FANCA: variants seen among roughly 807,000 people sequenced by gnomAD.
FANCA encodes FA complementation group A.
In FANCA, 236 loss-of-function variants were observed where a neutral mutation model predicts 194.3. The ratio of observed to expected loss-of-function variants is 1.21; its 90% confidence interval spans 1.09 to 1.35. The LOEUF (loss-of-function observed/expected upper bound fraction) is 1.35, where lower values mean the gene tolerates loss of function less well. FANCA is among the 40% of genes most tolerant of loss of function. The pLI is 0.00. For synonymous variants in FANCA, 1,014 were observed against 715.8 expected (o/e 1.42, Z -6.65); for missense variants, 2,628 against 1,813.9 (o/e 1.45, Z -8.15).
chr16:89,740,549 T>A, intron 38 of FANCA: 1 of 531,564 alleles, frequency 1.9e-6, no homozygotes, highest in Non-Finnish European at 3.4e-6. Flanking sequence ...TGCAGGAGAA[T>A]TGCTTGAACC....
intron 20 of FANCA, among the ~76,000 whole-genome samples, chr16:89,776,220 T>C (rs1206991811): frequency 2.9e-5 from 4 of 140,190 alleles, no homozygotes; most frequent in Non-Finnish European, 6.0e-5. Flanking sequence ...CACACTGGAG[T>C]GCAGTGGTGC....
At chr16:89,781,127 G>C (rs1410816609) in intron 17 of FANCA, among the ~76,000 whole-genome samples, 1 of 152,088 alleles carries the variant, frequency 6.6e-6, no homozygotes, top group East Asian at 1.9e-4. Flanking sequence ...CACTTTGAGA[G>C]ACCGAGGCAG....
In FANCA at chr16:89,749,767, T is replaced by A; in HGVS notation, c.3202A>T (p.Ser1068Cys). 6.2e-7 allele frequency: 1 copy of A among 1,614,212 alleles called. No individual in the cohort carries two copies. The highest frequency in any genetic ancestry group is 1.1e-5 in the South Asian group (1 of 91,086). The change falls in exon 32 of 43, where the codon AGC (serine) becomes TGC (cysteine). Residue 1068 changes from serine (S) to cysteine (C), a missense_variant. Coordinates refer to ENST00000389301, the MANE Select transcript of FANCA (RefSeq NM_000135.4). ...AGCAGCTCCCTCTGTCTCTGAAGGC[T>A]GGCAGCCACGCTCCACCCGCTTGTC... ...ALTSGWSVAA[S>C]LQRQRELLMY...
intron 14 of FANCA, among the ~76,000 whole-genome samples, chr16:89,785,553 C>T (rs2039867885): frequency 6.6e-6 from 1 of 152,196 alleles, no homozygotes; most frequent in Non-Finnish European, 1.5e-5. Flanking sequence ...TGAGCAAACC[C>T]TCCCAGGAAC....
chr16:89,780,024 G>A (rs1015719025), intron 17 of FANCA, 67 bp from the exon 18 acceptor site: 8 of 1,377,566 alleles, frequency 5.8e-6, no homozygotes, highest in Admixed American at 5.1e-5. Context: ...GAGCAGTGAA[G>A]GCCACACTCA....
In FANCA at chr16:89,799,248, G is replaced by C. The variant is rs758496205; in HGVS notation, c.827-16C>G. The C allele has an allele frequency of 9.3e-6, 15 of 1,613,638 alleles. No homozygotes were observed. Among genetic ancestry groups the C allele is most frequent in the Non-Finnish European group, 1.2e-5 (14 of 1,179,996 alleles). On this transcript the variant is annotated splice_polypyrimidine_tract_variant and intron_variant, in intron 9 of 42. Coordinates refer to ENST00000389301, the MANE Select transcript of FANCA (RefSeq NM_000135.4). Reference sequence around the variant, plus strand: ...TCAAGTGCAACTGAAGACAGAGCCAGGAACAGAAAACAGATGTCAGCACAC... The same window carrying C: ...TCAAGTGCAACTGAAGACAGAGCCACGAACAGAAAACAGATGTCAGCACAC...
rs974454406 is a variant in FANCA, at chr16:89,738,439, G to C, written c.*162C>G. 2.2e-6 allele frequency: 3 copies of C among 1,382,890 alleles called. No homozygotes were observed. Among genetic ancestry groups the C allele is most frequent in the Non-Finnish European group, 3.0e-6 (3 of 1,011,344 alleles). The allele number at this position is 1,382,890 out of a possible 1,614,324, so 85.7% of individuals were successfully genotyped here. ...AGTGGTTTATTTTCCCGCAAACGCT[G>C]AGTGACTCGGGGCCGGACAGTTCAT... On this transcript the variant is annotated 3_prime_UTR_variant, in exon 43 of 43. Transcript: ENST00000389301.
At position 89,810,793 on chromosome 16, in the gene FANCA, A is replaced by G. The variant is rs764230743; in HGVS notation, c.436T>C (p.Ser146Pro). 1 of 1,613,090 alleles carries G rather than the reference A, an allele frequency of 6.2e-7. No individual in the cohort carries two copies. Among genetic ancestry groups the G allele is most frequent in the South Asian group, 1.1e-5 (1 of 91,066 alleles). The change falls in exon 5 of 43, where the codon TCT becomes CCT. Residue 146 changes from serine (S) to proline (P), a missense_variant. Physicochemically the swap from Ser to Pro is moderately conservative, Grantham distance 74. Transcript: ENST00000389301. Reference sequence around the variant, plus strand: ...TACTGAGCAAACTCTAACAGGGAAGACAGCTTCTTCTGAAAAGAGAGATTA... The same window carrying G: ...TACTGAGCAAACTCTAACAGGGAAGGCAGCTTCTTCTGAAAAGAGAGATTA... ...LLTVEQRKKL[S>P]SLLEFAQYLL...
chr16:89,801,560 G>A (rs770928560), intron 8 of FANCA, among the ~76,000 whole-genome samples: 2 of 152,144 alleles, frequency 1.3e-5, no homozygotes, highest in Admixed American at 6.6e-5. Context: ...TTTCTAAATA[G>A]TTGGGTAGTT....
At chr16:89,777,712 G>T (rs11076623) in intron 20 of FANCA, among the ~76,000 whole-genome samples, 9,100 of 152,052 alleles carry the variant, frequency 0.06, 423 homozygotes, top group East Asian at 0.22. Flanking sequence ...CTAGAAACCT[G>T]CAATGTAAGT....
intron 17 of FANCA, among the ~76,000 whole-genome samples, chr16:89,782,369 A>G (rs978721830): frequency 1.2e-4 from 18 of 151,792 alleles, no homozygotes; most frequent in Non-Finnish European, 2.4e-4. Context: ...AAAATTAGCC[A>G]GGCGTGGTGG....
chr16:89,786,683 G>A (rs1427768283), intron 14 of FANCA, among the ~76,000 whole-genome samples: 1 of 152,170 alleles, frequency 6.6e-6, no homozygotes, highest in African/African-American at 2.4e-5. Flanking sequence ...ATAAAAAGCG[G>A]AAAATGCTGA....
rs757877638 is a variant in FANCA at position 89,799,088 on chromosome 16, G to A, written c.893+78C>T. ...AGCGGGCTGCTGAAGCTCTGGAAGT[G>A]TTTAAAATATCTTGGCTCTTTAATT... On this transcript the variant is annotated intron_variant, in intron 10 of 42. Transcript: ENST00000389301. The A allele has an allele frequency of 3.7e-6, 6 of 1,614,238 alleles. No individual in the cohort carries two copies. In the East Asian group the frequency reaches 1.3e-4, roughly 36 times the overall value.
intron 20 of FANCA, chr16:89,778,267 A>T (rs11640714): frequency 0.012 from 2,529 of 218,168 alleles, 41 homozygotes; most frequent in Non-Finnish European, 0.013. Context: ...GGAGTTTGAG[A>T]ACCGCCTGGC....
At chr16:89,750,756 G>A (rs935982310) in intron 31 of FANCA, among the ~76,000 whole-genome samples, 4 of 152,176 alleles carry the variant, frequency 2.6e-5, no homozygotes, top group African/African-American at 4.8e-5. Flanking sequence ...GCAAGACTCT[G>A]TCTCAAAAAC....
At position 89,742,946 on chromosome 16, in the gene FANCA, A is replaced by C. The variant is rs77877981; in HGVS notation, c.3627-8T>G. 6.4e-5 allele frequency: 103 copies of C among 1,613,590 alleles called. No individual in the cohort carries two copies. The East Asian group carries it at 2.3e-3, about 36-fold the overall frequency. On this transcript the variant is annotated splice_polypyrimidine_tract_variant and splice_region_variant and intron_variant, in intron 36 of 42. Coordinates refer to ENST00000389301, the MANE Select transcript of FANCA (RefSeq NM_000135.4). ...GCCTCAGGGGAGAGGAAACTGGGAC[A>C]GAGAGAACGGGGTCATTGCAGGGCC...
chr16:89,815,896 A>T lies in FANCA; in HGVS notation c.170T>A (p.Leu57Gln), dbSNP rs1351638021. Residue 57 changes from leucine (L) to glutamine (Q), a missense_variant, in exon 2 of 43, where the codon CTG (leucine) becomes CAG (glutamine). Leu to Gln is a moderately radical substitution (Grantham distance 113). Transcript: ENST00000389301. ...AVRLLRSHQD[L>Q]NALLLEVEGP... ...TCTTACCTCAAGCAAAAGGGCATTC[A>T]GGTCCTGATGGCTTCGCAGGAGGCG... 6.2e-7 allele frequency: 1 copy of T among 1,613,826 alleles called. No homozygotes were observed. Among genetic ancestry groups the T allele is most frequent in the South Asian group, 1.1e-5 (1 of 91,084 alleles).
intron 15 of FANCA, among the ~76,000 whole-genome samples, chr16:89,783,481 G>A (rs1276528609): frequency 1.3e-5 from 2 of 151,626 alleles, no homozygotes; most frequent in East Asian, 2.0e-4. Flanking sequence ...AACCCAGGAG[G>A]CGGACCTTGC....
intron 8 of FANCA, among the ~76,000 whole-genome samples, chr16:89,801,591 C>T (rs948167036): frequency 6.6e-6 from 1 of 151,974 alleles, no homozygotes. Flanking sequence ...AACTACCAGC[C>T]CAGAGGGTCT....
Sources: allele counts gnomAD v4.1 joint callset (sites outside exome capture counted in the v4.1 genomes callset), GRCh38; gene constraint gnomAD v4.1.1; transcripts MANE v1.5; gene names NCBI Gene and HGNC (gene_info 2026-07-23, HGNC 2026-07-21).